CA12: variants seen among roughly 807,000 people sequenced by gnomAD.
The protein encoded by CA12 is carbonate dehydratase XII.
In CA12, 36 loss-of-function variants were observed where a neutral mutation model predicts 46.8. The ratio of observed to expected loss-of-function variants is 0.77; its 90% CI spans 0.59 to 1.02. CA12 has a LOEUF of 1.02. Among genes scored for constraint, CA12 ranks in the 50% least tolerant of loss-of-function variants. CA12 has a pLI of 0.00. For missense variants in CA12, 436 were observed against 451.4 expected, an observed-to-expected ratio of 0.97 and a Z score of 0.31; for synonymous variants, 202 against 187.0, an observed-to-expected ratio of 1.08 and a Z score of -0.65.
At chr15:63,364,333 A>AAAAAAAAAAAAG (rs2039409170) in intron 2 of CA12, among the ~76,000 whole-genome samples, 5 of 22,368 alleles carry the variant, frequency 2.2e-4, no homozygotes, top group African/African-American at 1.2e-3. Context: ...CCGTCACTAG[A>AAAAAAAAAAAAG]AAAAAAAAAA....
rs1436279888 is a variant in CA12, at chr15:63,322,121, C to T, written c.*4164G>A. On this transcript the variant is annotated 3_prime_UTR_variant, in exon 11 of 11. Coordinates refer to ENST00000178638, the MANE Select transcript of CA12 (RefSeq NM_001218.5). This position sits in a 1 kb window ranked among gnomAD's most constrained non-coding sequence, Gnocchi z 4.1. Reference sequence around the variant, plus strand: ...AATAAGTTTACATCTAAAAGCCGATCATTGATTCCATTATTTGGAAAACAA... The same window carrying T: ...AATAAGTTTACATCTAAAAGCCGATTATTGATTCCATTATTTGGAAAACAA... 6.6e-6 allele frequency: 1 copy of T among 152,206 alleles called. No individual in the cohort carries two copies. Among genetic ancestry groups the T allele is most frequent in the Admixed American group, 6.5e-5 (1 of 15,284 alleles). 9.4% of individuals were successfully genotyped at this position (152,206 alleles called of 1,614,324 possible).
intron 4 of CA12, among the ~76,000 whole-genome samples, chr15:63,342,897 CAT>C (rs2039099998): frequency 6.6e-6 from 1 of 152,128 alleles, no homozygotes; most frequent in Non-Finnish European, 1.5e-5. Context: ...TACAGTTCAA[CAT>C]ATGTTATTGA....
intron 4 of CA12, among the ~76,000 whole-genome samples, chr15:63,344,398 A>G (rs1004642937): frequency 6.6e-6 from 1 of 152,226 alleles, no homozygotes; most frequent in Non-Finnish European, 1.5e-5. Context: ...GGCAAAATAA[A>G]CTTCTAAATG....
In CA12 at chr15:63,345,160, A is replaced by G. The variant is rs1168483831; in HGVS notation, c.429+317T>C. On this transcript the variant is annotated intron_variant, in intron 4 of 10. Coordinates refer to ENST00000178638, the MANE Select transcript of CA12 (RefSeq NM_001218.5). The surrounding 1 kb of genome is among the most constrained non-coding windows in gnomAD (Gnocchi z 4.3). ...GCAGGAGATTTTTATCTGCACAGAT[A>G]GGAAGGCAATGTCTAAAAGAAGGGC... Among the ~76,000 whole-genome samples, 1 of 152,232 alleles carries G rather than the reference A, an allele frequency of 6.6e-6. No homozygotes were observed. The highest frequency in any genetic ancestry group is 6.5e-5 in the Admixed American group (1 of 15,282).
rs1423388551 is a variant in CA12 at position 63,355,759 on chromosome 15, C to T, written c.107-9050G>A. Among the ~76,000 whole-genome samples, 1 of 152,206 alleles carries T rather than the reference C, an allele frequency of 6.6e-6. No homozygotes were observed. Among genetic ancestry groups the T allele is most frequent in the Non-Finnish European group, 1.5e-5 (1 of 68,036 alleles). ...GCCAGGCCTGAGCCCCCCATCAGTG[C>T]TCACCACATGTTATCCTCCTTCATC... is the stretch of plus-strand genomic sequence containing the variant. On this transcript the variant is annotated intron_variant, in intron 2 of 10. Transcript: ENST00000178638. The surrounding 1 kb of genome is among the most constrained non-coding windows in gnomAD (Gnocchi z 4.1).
intron 8 of CA12, among the ~76,000 whole-genome samples, chr15:63,336,543 CTTTTTTTTTTTT>C (rs71998323): frequency 5.8e-5 from 5 of 86,182 alleles, no homozygotes; most frequent in African/African-American, 1.5e-4. Context: ...TCCAACCTGG[CTTTTTTTTTTTT>C]TTTTTTTTTT....
At chr15:63,334,773 A>C (rs2038978576) in intron 8 of CA12, among the ~76,000 whole-genome samples, 1 of 152,180 alleles carries the variant, frequency 6.6e-6, no homozygotes, top group Admixed American at 6.5e-5. Context: ...TACACTCCTA[A>C]GGGTGCACAG....
In CA12 at chr15:63,345,925, G is replaced by A. The variant is rs2039141286; in HGVS notation, c.287-306C>T. 6.6e-6 allele frequency among the ~76,000 whole-genome samples: 1 copy of A among 152,202 alleles called. No individual in the cohort carries two copies. The highest frequency in any genetic ancestry group is 2.4e-5 in the African/African-American group (1 of 41,440). On this transcript the variant is annotated intron_variant, in intron 3 of 10. Coordinates refer to ENST00000178638, the MANE Select transcript of CA12 (RefSeq NM_001218.5). The surrounding 1 kb of genome is among the most constrained non-coding windows in gnomAD (Gnocchi z 4.3). ...ACGGATGGGTGTTTATTTACATATT[G>A]ATGGATCAGACACCTTTAGTGAAGT...
chr15:63,371,080 G>A (rs1377571314), intron 2 of CA12, among the ~76,000 whole-genome samples: 1 of 152,216 alleles, frequency 6.6e-6, no homozygotes, highest in Non-Finnish European at 1.5e-5. Flanking sequence ...AGAAAGTCAA[G>A]AGTTTGCTTC....
In CA12 at chr15:63,325,947, C is replaced by A; in HGVS notation, c.*338G>T. The A allele has an allele frequency of 6.2e-6, 2 of 324,508 alleles. No individual in the cohort carries two copies. The highest frequency in any genetic ancestry group is 5.9e-6 in the Non-Finnish European group (1 of 168,118). 20.1% of individuals were successfully genotyped at this position (324,508 alleles called of 1,614,324 possible). The stretch of plus-strand genomic sequence containing the variant: ...ACTTGAAAGCACGCTCTGGCAAAGC[C>A]CCGGATGAAAGTGTTTTCCAACCAT... On this transcript the variant is annotated 3_prime_UTR_variant, in exon 11 of 11. Transcript: ENST00000178638. The surrounding 1 kb of genome is among the most constrained non-coding windows in gnomAD (Gnocchi z 4.9).
rs961906581 is a variant in CA12 at position 63,374,587 on chromosome 15, G to A, written c.106+1071C>T. Among the ~76,000 whole-genome samples, 3 of 152,216 alleles carry A rather than the reference G, an allele frequency of 2.0e-5. No individual in the cohort carries two copies. Among genetic ancestry groups the A allele is most frequent in the African/African-American group, 7.2e-5 (3 of 41,454 alleles). On this transcript the variant is annotated intron_variant, in intron 2 of 10. Coordinates refer to ENST00000178638, the MANE Select transcript of CA12 (RefSeq NM_001218.5). The surrounding 1 kb of genome is among the most constrained non-coding windows in gnomAD (Gnocchi z 4.4). ...GTACATAAGGGATGTTAGCAATAAC[G>A]GAGCCGTGCAGTGCTGGGGCTGAGG...
Sources: gnomAD v4.1 joint callset for allele counts (sites outside exome capture counted in the v4.1 genomes callset) on GRCh38, gnomAD v4.1.1 for gene constraint, Gnocchi (gnomAD v3.1) non-coding constraint, MANE v1.5 for transcripts, NCBI Gene and HGNC (gene_info 2026-07-23, HGNC 2026-07-21) for gene names.